Variants in RHOH observed in about 807,000 individuals in gnomAD.
The protein encoded by RHOH is ras homolog family member H.
A neutral mutation model predicts 13.8 loss-of-function variants in RHOH; 6 were observed. That is an observed-to-expected ratio of 0.44 (90% CI 0.24 to 0.86). The LOEUF (loss-of-function observed/expected upper bound fraction) is 0.86, where lower values mean the gene tolerates loss of function less well. Ranked by LOEUF, RHOH falls within the 40% of genes least tolerant of loss-of-function variation. The pLI, the probability that RHOH is intolerant of heterozygous loss-of-function variation, is 0.24. For synonymous variants in RHOH, 117 were observed against 103.0 expected (o/e 1.14, Z -0.82); for missense variants, 147 against 244.5 (o/e 0.60, Z 2.66).
At chr4:40,237,633 T>C (rs1728745831) in intron 1 of RHOH, among the ~76,000 whole-genome samples, 1 of 152,164 alleles carries the variant, frequency 6.6e-6, no homozygotes, top group Non-Finnish European at 1.5e-5. Context: ...TTCCTGGCCA[T>C]TTAATTGTGT....
At chr4:40,195,621 A>G (rs111614643), upstream of RHOH, among the ~76,000 whole-genome samples, 17 of 151,858 alleles carry the variant, frequency 1.1e-4, no homozygotes, top group African/African-American at 3.9e-4. Flanking sequence ...TGCCCAGCTA[A>G]TTTTTGTAGA....
At chr4:40,234,684 T>A (rs1728335612) in intron 1 of RHOH, among the ~76,000 whole-genome samples, 1 of 150,986 alleles carries the variant, frequency 6.6e-6, no homozygotes. Context: ...CTTAGGAACA[T>A]AAATACTGCT....
upstream of RHOH, among the ~76,000 whole-genome samples, chr4:40,194,290 A>C (rs553760843): frequency 6.6e-6 from 1 of 152,124 alleles, no homozygotes; most frequent in Non-Finnish European, 1.5e-5. Flanking sequence ...GTGCAGTGGT[A>C]TGATCTTGCC....
At chr4:40,231,926 CTCTT>C (rs1334213978) in intron 1 of RHOH, among the ~76,000 whole-genome samples, 1 of 152,242 alleles carries the variant, frequency 6.6e-6, no homozygotes, top group East Asian at 1.9e-4. Flanking sequence ...GCTCATGTTT[CTCTT>C]TCTTCTCTGT....
rs1726550674 is a variant in RHOH at position 40,221,359 on chromosome 4, G to A, written c.-330-21355G>A. On this transcript the variant is annotated intron_variant, in intron 1 of 2. Coordinates refer to ENST00000381799, the MANE Select transcript of RHOH (RefSeq NM_004310.5). ...ATACCTCATTTGATTGCGCTCCACAGATATTGCATTTTACACAAACTGAAG... is the reference window on the plus strand; with the variant it reads ...ATACCTCATTTGATTGCGCTCCACAAATATTGCATTTTACACAAACTGAAG... Among the ~76,000 whole-genome samples the A allele has an allele frequency of 1.3e-5, 2 of 152,146 alleles. 1 individual carries two copies. The highest frequency in any genetic ancestry group is 4.8e-5 in the African/African-American group (2 of 41,440).
At chr4:40,235,194 A>G (rs952877345) in intron 1 of RHOH, 11 of 152,236 alleles carry the variant, frequency 7.2e-5, no homozygotes, top group African/African-American at 2.4e-4. Flanking sequence ...TACATACAGG[A>G]AAGTGAACAC....
At chr4:40,241,873 G>C (rs1729295415) in intron 1 of RHOH, among the ~76,000 whole-genome samples, 2 of 152,226 alleles carry the variant, frequency 1.3e-5, no homozygotes, top group African/African-American at 4.8e-5. Context: ...CTGGGCGACA[G>C]AGCGAGATCC....
At chr4:40,221,552 G>A (rs958193932) in intron 1 of RHOH, among the ~76,000 whole-genome samples, 2 of 152,118 alleles carry the variant, frequency 1.3e-5, no homozygotes, top group African/African-American at 4.8e-5. Flanking sequence ...TGATGTTACT[G>A]TTGCAATTGT....
At chr4:40,238,247 G>C (rs1038911869) in intron 1 of RHOH, among the ~76,000 whole-genome samples, 22 of 152,194 alleles carry the variant, frequency 1.4e-4, no homozygotes, top group Admixed American at 9.2e-4. Context: ...AGCACTGGTG[G>C]TCAAGGAAGG....
chr4:40,217,353 G>A (rs1010553218), intron 1 of RHOH, among the ~76,000 whole-genome samples: 1 of 152,116 alleles, frequency 6.6e-6, no homozygotes, highest in Non-Finnish European at 1.5e-5. Flanking sequence ...CTTTTACAAA[G>A]GATCATGCGA....
upstream of RHOH, among the ~76,000 whole-genome samples, chr4:40,196,635 A>G (rs1198765887): frequency 6.6e-6 from 1 of 150,752 alleles, no homozygotes; most frequent in Non-Finnish European, 1.5e-5. Context: ...ATGGGGGGAA[A>G]GTTCTAAGGT....
intron 1 of RHOH, among the ~76,000 whole-genome samples, chr4:40,211,251 AT>A (rs955752406): frequency 1.2e-3 from 177 of 151,828 alleles, no homozygotes; most frequent in Non-Finnish European, 1.5e-3. Context: ...CTTTATTTCT[AT>A]TTTTTTTAAA....
intron 1 of RHOH, among the ~76,000 whole-genome samples, chr4:40,237,001 A>G (rs980709196): frequency 2.0e-5 from 3 of 152,232 alleles, no homozygotes; most frequent in Non-Finnish European, 4.4e-5. Flanking sequence ...AATTTTAAAA[A>G]GCTTAAATCT....
intron 1 of RHOH, among the ~76,000 whole-genome samples, chr4:40,201,227 G>A (rs191085349): frequency 1.8e-4 from 27 of 152,098 alleles, no homozygotes; most frequent in Non-Finnish European, 2.5e-4. Flanking sequence ...TATTCAACCC[G>A]GACAGGTGTT....
intron 1 of RHOH, among the ~76,000 whole-genome samples, chr4:40,219,410 C>CA (rs35585203): frequency 0.013 from 1,163 of 92,460 alleles, 11 homozygotes; most frequent in African/African-American, 0.036. Context: ...GACTCCATCT[C>CA]AAAAAAAAAA....
chr4:40,202,965 G>GT (rs1181657265), intron 1 of RHOH, among the ~76,000 whole-genome samples: 2 of 151,900 alleles, frequency 1.3e-5, no homozygotes, highest in Admixed American at 6.6e-5. Flanking sequence ...TTTATTTTTA[G>GT]TTTTTTTTAA....
At chr4:40,220,108 T>C (rs1726371118) in intron 1 of RHOH, among the ~76,000 whole-genome samples, 2 of 152,124 alleles carry the variant, frequency 1.3e-5, no homozygotes, top group Non-Finnish European at 1.5e-5. Flanking sequence ...CATTGTCCCT[T>C]TCCAACATCA....
In RHOH at chr4:40,226,255, G is replaced by A. The variant is rs755446605; in HGVS notation, c.-330-16459G>A. Among the ~76,000 whole-genome samples the A allele has an allele frequency of 3.9e-5, 6 of 152,070 alleles. No homozygotes were observed. In the East Asian group the frequency reaches 7.7e-4, roughly 20 times the overall value. ...AATCTAACCGTGACTGTCTGGGTGC[G>A]GTGGCTCATGCCTGTAGTCCCAGCA... is the stretch of plus-strand genomic sequence containing the variant. On this transcript the variant is annotated intron_variant, in intron 1 of 2. Coordinates refer to ENST00000381799, the MANE Select transcript of RHOH (RefSeq NM_004310.5).
At chr4:40,201,643 C>G (rs1158520204) in intron 1 of RHOH, among the ~76,000 whole-genome samples, 1 of 152,028 alleles carries the variant, frequency 6.6e-6, no homozygotes, top group Non-Finnish European at 1.5e-5. Context: ...CACAATAAAT[C>G]AGGCTCCCCA....
Sources: gnomAD v4.1 joint callset for allele counts (sites outside exome capture counted in the v4.1 genomes callset) on GRCh38, gnomAD v4.1.1 for gene constraint, MANE v1.5 for transcripts, NCBI Gene and HGNC (gene_info 2026-07-23, HGNC 2026-07-21) for gene names.